The following DPP3 variants were observed in gnomAD, a reference collection of about 807,000 sequenced individuals.
DPP3 encodes DPP III.
In DPP3, 64 loss-of-function variants were observed where a neutral mutation model predicts 89.8. The observed-to-expected ratio is 0.71, with a 90% CI of 0.58 to 0.88. The LOEUF (loss-of-function observed/expected upper bound fraction) is 0.88, where lower values mean the gene tolerates loss of function less well. DPP3 is among the 40% of genes least tolerant of loss of function. The probability of loss-of-function intolerance (pLI) is 0.00; values close to 1 mark genes in which losing one functional copy is unlikely to be tolerated. For missense variants in DPP3, 835 were observed against 972.5 expected (o/e 0.86, Z 1.88); for synonymous variants, 377 against 404.3 (o/e 0.93, Z 0.81).
intron 16 of DPP3, 135 bp downstream of exon 16, chr11:66,497,612 C>T (rs1304230034): frequency 1.3e-5 from 17 of 1,263,536 alleles, no homozygotes; most frequent in East Asian, 2.6e-5. Context: ...AACATGTAAG[C>T]GCACCGGGTG....
In DPP3 at chr11:66,486,588, C is replaced by A. The variant is rs765071866; in HGVS notation, c.409C>A (p.Pro137Thr). ...ILGSEAAQQH[P>T]EEVRGLWQTC... ...AGGGAGTGAGGCTGCTCAGCAGCAC[C>A]CAGAAGAAGTCAGGGGCCTCTGGCA... is the stretch of plus-strand genomic sequence containing the variant. The change falls in exon 4 of 18, where the codon CCA (proline) becomes ACA (threonine). Residue 137 changes from proline (P) to threonine (T), a missense_variant. Coordinates refer to ENST00000531863, the MANE Select transcript of DPP3 (RefSeq NM_130443.4). 6.3e-7 allele frequency: 1 copy of A among 1,581,364 alleles called. No homozygotes were observed. The highest frequency in any genetic ancestry group is 8.6e-7 in the Non-Finnish European group (1 of 1,163,594).
At position 66,497,399 on chromosome 11, in the gene DPP3, T is replaced by TG. The variant is rs1565273404; in HGVS notation, c.1801dup (p.Ala601GlyfsTer49). 6.2e-7 allele frequency: 1 copy of TG among 1,613,994 alleles called. No homozygotes were observed. Among genetic ancestry groups the TG allele is most frequent in the African/African-American group, 1.3e-5 (1 of 75,050 alleles). ...CCACAGGCTCCGATGGGCGCCCAGA[T>TG]GCCCGGGTCCGCCTCGACCGCAGCA... is the stretch of plus-strand genomic sequence containing the variant. On this transcript the variant is annotated frameshift_variant, in exon 16 of 18. Coordinates refer to ENST00000531863, the MANE Select transcript of DPP3 (RefSeq NM_130443.4). LOFTEE classifies it high-confidence loss of function.
At chr11:66,495,111 G>C in intron 12 of DPP3, 95 bp from the exon 13 acceptor site, 1 of 1,589,308 alleles carries the variant, frequency 6.3e-7, no homozygotes, top group African/African-American at 1.3e-5. Flanking sequence ...GCTCCCGCTT[G>C]CCTTCCTGAG....
At chr11:66,487,246 T>C (rs201440123) in intron 4 of DPP3, 22 bp from the exon 5 acceptor site, 1 of 1,612,622 alleles carries the variant, frequency 6.2e-7, no homozygotes, top group Admixed American at 1.7e-5. Flanking sequence ...CTCTTTCTCA[T>C]GTCCCCTGTC....
chr11:66,501,044 C>T (rs989975032), intron 16 of DPP3, among the ~76,000 whole-genome samples: 2 of 151,984 alleles, frequency 1.3e-5, no homozygotes, highest in African/African-American at 2.4e-5. Flanking sequence ...AAAAATTAGC[C>T]GGGTATGGTG....
At chr11:66,505,180 C>T (rs952180854) in intron 17 of DPP3, among the ~76,000 whole-genome samples, 6 of 152,164 alleles carry the variant, frequency 3.9e-5, no homozygotes, top group Non-Finnish European at 8.8e-5. Flanking sequence ...ACAGTGGACT[C>T]GGTCACATCC....
chr11:66,504,526 G>T, intron 16 of DPP3, 86 bp from the exon 17 acceptor site: 1 of 1,474,920 alleles, frequency 6.8e-7, no homozygotes, highest in South Asian at 1.4e-5. Flanking sequence ...GTCCAGGGCT[G>T]ACCACAATCA....
In DPP3 at chr11:66,495,478, G is replaced by T; in HGVS notation, c.1566G>T (p.Pro522=). 6.2e-7 allele frequency: 1 copy of T among 1,611,194 alleles called. No homozygotes were observed. The highest frequency in any genetic ancestry group is 2.2e-5 in the East Asian group (1 of 44,810). The change falls in exon 14 of 18, where the codon CCG becomes CCT. Residue 522 remains proline (P), a synonymous_variant. Transcript: ENST00000531863. ...TGGGTCTCTACCTCTGTCTCCACCC[G>T]CAAGTGCTGGAGTAAGAGCAGCAGG... is the stretch of plus-strand genomic sequence containing the variant. ...ESVGLYLCLH[P]QVLEIFGFEG...
chr11:66,496,216 A>G (rs964300896), intron 15 of DPP3, among the ~76,000 whole-genome samples: 2 of 152,132 alleles, frequency 1.3e-5, no homozygotes, highest in Non-Finnish European at 2.9e-5. Context: ...TGTCCTTTGG[A>G]TATGGGGTAA....
At chr11:66,502,294 G>A (rs1419389940) in intron 16 of DPP3, among the ~76,000 whole-genome samples, 1 of 152,170 alleles carries the variant, frequency 6.6e-6, no homozygotes, top group Admixed American at 6.6e-5. Context: ...GTGAGGTGGG[G>A]GTTGTATGAG....
chr11:66,493,005 G>A, intron 10 of DPP3, 62 bp from the exon 11 acceptor site: 2 of 1,609,740 alleles, frequency 1.2e-6, no homozygotes, highest in Non-Finnish European at 1.7e-6. Context: ...ACTGCTCTGT[G>A]CCTCTTGTCT....
rs1224519436 is a variant in DPP3 at position 66,492,924 on chromosome 11, G to C, written c.1183+14G>C. 1 of 1,601,680 alleles carries C rather than the reference G, an allele frequency of 6.2e-7. No individual in the cohort carries two copies. The highest frequency in any genetic ancestry group is 1.1e-5 in the South Asian group (1 of 89,286). ...ACATCCCCAACTGTGAGTGTCTCAG[G>C]CCCAGCCCCCGAGCCCCAGAAACCT... On this transcript the variant is annotated intron_variant, in intron 10 of 17. Coordinates refer to ENST00000531863, the MANE Select transcript of DPP3 (RefSeq NM_130443.4).
At chr11:66,486,890 C>G (rs1590733368) in intron 4 of DPP3, among the ~76,000 whole-genome samples, 1 of 152,130 alleles carries the variant, frequency 6.6e-6, no homozygotes, top group South Asian at 2.1e-4. Flanking sequence ...CCAGATCTGA[C>G]ATTCTGTACA....
intron 17 of DPP3, among the ~76,000 whole-genome samples, chr11:66,508,226 G>A (rs772504097): frequency 3.3e-5 from 5 of 152,194 alleles, no homozygotes; most frequent in Non-Finnish European, 7.3e-5. Flanking sequence ...GTGTTTGAGG[G>A]CAGTGCTTCC....
At chr11:66,483,738 G>T (rs1051852175) in intron 2 of DPP3, among the ~76,000 whole-genome samples, 1 of 152,086 alleles carries the variant, frequency 6.6e-6, no homozygotes, top group African/African-American at 2.4e-5. Flanking sequence ...TTCTAAAAAA[G>T]CTTCACTGCA....
At chr11:66,491,229 T>G (rs752634964) in intron 6 of DPP3, 24 bp from the exon 7 acceptor site, 4 of 1,611,952 alleles carry the variant, frequency 2.5e-6, no homozygotes, top group Middle Eastern at 2.1e-4. Context: ...GCCTTTTCTC[T>G]TGAATGACAC....
At chr11:66,486,984 G>T (rs952945426) in intron 4 of DPP3, among the ~76,000 whole-genome samples, 11 of 152,152 alleles carry the variant, frequency 7.2e-5, no homozygotes, top group African/African-American at 1.9e-4. Context: ...GAAGGAGGGG[G>T]GTCCCAGGTT....
chr11:66,504,700 T>C lies in DPP3; in HGVS notation c.1967T>C (p.Leu656Pro). 2 of 1,613,372 alleles carry C rather than the reference T, an allele frequency of 1.2e-6. No individual in the cohort carries two copies. The highest frequency in any genetic ancestry group is 2.2e-5 in the South Asian group (2 of 91,014). The change falls in exon 17 of 18, where the codon CTC (leucine) becomes CCC (proline). Residue 656 changes from leucine (L) to proline (P), a missense_variant. Transcript: ENST00000531863. ...TVTDAPPECFLTLRDTVLLRK... is the reference protein window; with the variant it reads ...TVTDAPPECFPTLRDTVLLRK... ...ACTGATGCGCCCCCCGAGTGCTTCC[T>C]CACCCTCAGGGACACGGTGCTGCTG...
chr11:66,496,315 C>T (rs1336105600), intron 15 of DPP3, among the ~76,000 whole-genome samples: 2 of 151,606 alleles, frequency 1.3e-5, no homozygotes, highest in African/African-American at 2.4e-5. Context: ...GGCCGGATCT[C>T]GGCTCACTGC....
Sources: gnomAD v4.1 joint callset for allele counts (sites outside exome capture counted in the v4.1 genomes callset) on GRCh38, gnomAD v4.1.1 for gene constraint, MANE v1.5 for transcripts, NCBI Gene and HGNC (gene_info 2026-07-23, HGNC 2026-07-21) for gene names.